MAML3: variants seen among roughly 807,000 people sequenced by gnomAD.
The protein encoded by MAML3 is mastermind like transcriptional coactivator 3.
MAML3 carries 27 observed loss-of-function variants against 101.9 expected under a neutral mutation model. That is an observed-to-expected ratio of 0.27 (90% confidence interval 0.20 to 0.37). The LOEUF (loss-of-function observed/expected upper bound fraction) is 0.37, where lower values mean the gene tolerates loss of function less well. Ranked by LOEUF, MAML3 falls within the 10% of genes least tolerant of loss-of-function variation. The pLI is 1.00. For missense variants in MAML3, 1,316 were observed against 1,444.9 expected, an observed-to-expected ratio of 0.91 and a Z score of 1.45; for synonymous variants, 501 against 555.9, an observed-to-expected ratio of 0.90 and a Z score of 1.39.
At chr4:139,763,831 A>G (rs1412156621) in intron 2 of MAML3, among the ~76,000 whole-genome samples, 2 of 152,192 alleles carry the variant, frequency 1.3e-5, no homozygotes, top group Non-Finnish European at 2.9e-5. Flanking sequence ...TCCCTTTCAA[A>G]TGAGAGAGGC....
chr4:140,143,448 C>T (rs1222162840), intron 1 of MAML3, among the ~76,000 whole-genome samples: 1 of 152,174 alleles, frequency 6.6e-6, no homozygotes, highest in African/African-American at 2.4e-5. Context: ...ACTCATTGAT[C>T]AATGACTCTG....
chr4:139,927,308 A>G (rs1030083725), intron 1 of MAML3, among the ~76,000 whole-genome samples: 2 of 152,122 alleles, frequency 1.3e-5, no homozygotes, highest in Non-Finnish European at 2.9e-5. Flanking sequence ...ACATCATATA[A>G]AGGGGTTCAT....
chr4:140,150,477 CCGGCACTGGGAA>C (rs1286903922), intron 1 of MAML3, among the ~76,000 whole-genome samples: 3 of 152,136 alleles, frequency 2.0e-5, no homozygotes, highest in African/African-American at 7.2e-5. Context: ...GTCCAGAGAC[CCGGCACTGGGAA>C]CGGCACTGGC....
At chr4:140,018,256 G>A (rs1521490) in intron 1 of MAML3, among the ~76,000 whole-genome samples, 105,697 of 152,026 alleles carry the variant, frequency 0.7, 40,244 homozygotes, top group East Asian at 0.94. Flanking sequence ...AATGTATAAC[G>A]CATAATAAAA....
intron 2 of MAML3, among the ~76,000 whole-genome samples, chr4:139,744,784 C>G (rs557883013): frequency 6.6e-6 from 1 of 152,008 alleles, no homozygotes; most frequent in Non-Finnish European, 1.5e-5. Context: ...AAAGATGACA[C>G]CAGCTGGTCA....
intron 1 of MAML3, among the ~76,000 whole-genome samples, chr4:139,955,871 T>A (rs772697718): frequency 3.7e-4 from 57 of 152,300 alleles, no homozygotes; most frequent in African/African-American, 1.3e-3. Context: ...CATAACATAG[T>A]GGAGCTTCTG....
chr4:140,129,867 A>G (rs911689533), intron 1 of MAML3, among the ~76,000 whole-genome samples: 1 of 151,974 alleles, frequency 6.6e-6, no homozygotes, highest in Non-Finnish European at 1.5e-5. Context: ...CGAGAGGCTG[A>G]GGCAGGAGAA....
intron 2 of MAML3, among the ~76,000 whole-genome samples, chr4:139,798,009 A>G (rs1276367790): frequency 1.3e-5 from 2 of 150,228 alleles, no homozygotes; most frequent in Non-Finnish European, 3.0e-5. Context: ...AAAAAGAAAG[A>G]AAGGAAGGAA....
At chr4:140,079,029 C>T (rs995455165) in intron 1 of MAML3, among the ~76,000 whole-genome samples, 70 of 152,264 alleles carry the variant, frequency 4.6e-4, no homozygotes, top group African/African-American at 1.7e-3. Flanking sequence ...GGAAGTCCAC[C>T]TTCTGAATCC....
chr4:139,832,352 T>C (rs1258916907), intron 2 of MAML3, among the ~76,000 whole-genome samples: 1 of 151,730 alleles, frequency 6.6e-6, no homozygotes, highest in Non-Finnish European at 1.5e-5. Flanking sequence ...CCTCAGGTGA[T>C]CCACCTGCCT....
chr4:139,911,208 G>C (rs943544324), intron 1 of MAML3, among the ~76,000 whole-genome samples: 4 of 150,212 alleles, frequency 2.7e-5, no homozygotes, highest in Non-Finnish European at 5.9e-5. Flanking sequence ...CTGCATTGCA[G>C]CATGTCAGAA....
chr4:140,095,771 C>T lies in MAML3; in HGVS notation c.468+57089G>A, dbSNP rs902755296. 4.6e-5 allele frequency among the ~76,000 whole-genome samples: 7 copies of T among 152,156 alleles called. 1 individual carries two copies. In the East Asian group the frequency reaches 7.7e-4, roughly 17 times the overall value. On this transcript the variant is annotated intron_variant, in intron 1 of 4. Transcript: ENST00000509479. ...CAGGGACCTGCACTGGTTCCTACCCCGCCACAGGAAGCTTCCTGCTTCCTG... is the reference window on the plus strand; with the variant it reads ...CAGGGACCTGCACTGGTTCCTACCCTGCCACAGGAAGCTTCCTGCTTCCTG...
intron 2 of MAML3, among the ~76,000 whole-genome samples, chr4:139,779,086 C>T (rs544416441): frequency 6.6e-6 from 1 of 152,128 alleles, no homozygotes. Context: ...GTTGGAAGGA[C>T]TCTTGGAATA....
intron 1 of MAML3, among the ~76,000 whole-genome samples, chr4:139,995,787 T>A (rs1734797059): frequency 6.6e-6 from 1 of 152,112 alleles, no homozygotes; most frequent in South Asian, 2.1e-4. Context: ...TTTTCTTTTC[T>A]ATTTTATTGA....
At chr4:140,016,731 T>C (rs1726647807) in intron 1 of MAML3, among the ~76,000 whole-genome samples, 1 of 152,208 alleles carries the variant, frequency 6.6e-6, no homozygotes, top group Non-Finnish European at 1.5e-5. Context: ...TAAACATTCA[T>C]TGGCAAAACA....
chr4:140,056,608 A>G (rs1490811007), intron 1 of MAML3, among the ~76,000 whole-genome samples: 1 of 151,932 alleles, frequency 6.6e-6, no homozygotes, highest in Non-Finnish European at 1.5e-5. Context: ...GGATTTCGAG[A>G]CCCACCTGGC....
At chr4:140,062,183 T>A (rs1284918122) in intron 1 of MAML3, among the ~76,000 whole-genome samples, 3 of 152,164 alleles carry the variant, frequency 2.0e-5, no homozygotes, top group African/African-American at 7.2e-5. Context: ...AAAGGTTTTT[T>A]TAAAAAATTA....
intron 1 of MAML3, among the ~76,000 whole-genome samples, chr4:140,108,948 C>T (rs73857931): frequency 0.024 from 3,592 of 152,206 alleles, 143 homozygotes; most frequent in African/African-American, 0.082. Flanking sequence ...TTCCTGGTCC[C>T]TCTTTTTTCT....
intron 2 of MAML3, among the ~76,000 whole-genome samples, chr4:139,805,394 A>T (rs1039926962): frequency 6.6e-6 from 1 of 152,198 alleles, no homozygotes; most frequent in Non-Finnish European, 1.5e-5. Flanking sequence ...TTTAATTACT[A>T]ATGACTTCTG....
Sources: allele counts gnomAD v4.1 joint callset (sites outside exome capture counted in the v4.1 genomes callset), GRCh38; gene constraint gnomAD v4.1.1; transcripts MANE v1.5; gene names NCBI Gene and HGNC (gene_info 2026-07-23, HGNC 2026-07-21).